MYH13: variants seen among roughly 807,000 people sequenced by gnomAD.
The protein encoded by MYH13 is myosin-13.
Under a neutral mutation model 232.1 loss-of-function variants are expected in MYH13, and 177 were observed. The ratio of observed to expected loss-of-function variants is 0.76; its 90% CI spans 0.67 to 0.86. The LOEUF is 0.86. Among genes scored for constraint, MYH13 ranks in the 40% least tolerant of loss-of-function variants. MYH13 has a pLI of 0.00. For synonymous variants in MYH13, 884 were observed against 923.5 expected (o/e 0.96, Z 0.78); for missense variants, 2,246 against 2,405.9 (o/e 0.93, Z 1.39).
chr17:10,343,679 A>G, intron 16 of MYH13, 121 bp downstream of exon 16: 2 of 1,167,170 alleles, frequency 1.7e-6, no homozygotes, highest in Non-Finnish European at 2.3e-6. Context: ...AATGGAGCTG[A>G]AAGAGAAACA....
At chr17:10,337,836 C>T (rs945526695) in intron 18 of MYH13, among the ~76,000 whole-genome samples, 18 of 152,262 alleles carry the variant, frequency 1.2e-4, no homozygotes, top group African/African-American at 4.1e-4. Flanking sequence ...GGGCATATCA[C>T]GAGGTCAGGA....
chr17:10,309,946 A>ATT (rs199973868), intron 33 of MYH13, 116 bp from the exon 34 acceptor site: 4,661 of 687,948 alleles, frequency 6.8e-3, no homozygotes, highest in Non-Finnish European at 7.3e-3. Context: ...TTAAATTTAA[A>ATT]TTTTTTTTTT....
chr17:10,332,058 TGTGGGGTTACTAGGG>T, intron 20 of MYH13, 26 bp downstream of exon 20: 3 of 1,611,352 alleles, frequency 1.9e-6, no homozygotes, highest in Non-Finnish European at 2.5e-6. Context: ...AGCCCAGGGC[TGTGGGGTTACTAGGG>T]GAGTCCCAGC....
chr17:10,334,754 C>G (rs951370985), intron 18 of MYH13, among the ~76,000 whole-genome samples: 8 of 152,122 alleles, frequency 5.3e-5, no homozygotes, highest in African/African-American at 1.9e-4. Flanking sequence ...TGGCAGGTGC[C>G]TGTAGTCTCA....
At chr17:10,321,262 C>T (rs1362794226) in intron 24 of MYH13, among the ~76,000 whole-genome samples, 1 of 152,208 alleles carries the variant, frequency 6.6e-6, no homozygotes, top group Non-Finnish European at 1.5e-5. Flanking sequence ...TTTTACTGAA[C>T]ACTTTCTGTG....
intron 39 of MYH13, among the ~76,000 whole-genome samples, chr17:10,302,679 T>C (rs9896736): frequency 0.22 from 34,194 of 152,024 alleles, 4,178 homozygotes; most frequent in East Asian, 0.46. Flanking sequence ...TTCCATTTCT[T>C]TCCTATTGAT....
At position 10,320,578 on chromosome 17, in the gene MYH13, C is replaced by T. The variant is rs947017667; in HGVS notation, c.3112-82G>A. On this transcript the variant is annotated intron_variant, in intron 24 of 40. Coordinates refer to ENST00000252172, the MANE Select transcript of MYH13 (RefSeq NM_003802.3). ...TTATCCAGTGTAGCCATACACGTGG[C>T]CTGGGGCTTCCTGGGGCTCCTGTAG... 3.8e-5 allele frequency: 53 copies of T among 1,400,432 alleles called. 1 individual carries two copies. Among genetic ancestry groups the T allele is most frequent in the Admixed American group, 3.3e-4 (14 of 42,878 alleles). The allele number at this position is 1,400,432 out of a possible 1,614,324, so 86.8% of individuals were successfully genotyped here.
At chr17:10,321,929 CATTAT>C (rs1906953716) in intron 23 of MYH13, among the ~76,000 whole-genome samples, 3 of 152,164 alleles carry the variant, frequency 2.0e-5, no homozygotes, top group Non-Finnish European at 4.4e-5. Context: ...TTAAGGAGGG[CATTAT>C]ATTTTACAAG....
Position 10,304,902 on chromosome 17 carries a change from C to T in MYH13, c.5467-1404G>A, listed in dbSNP as rs1906223913. 6.6e-6 allele frequency among the ~76,000 whole-genome samples: 1 copy of T among 152,158 alleles called. No individual in the cohort carries two copies. Among genetic ancestry groups the T allele is most frequent in the Non-Finnish European group, 1.5e-5 (1 of 68,032 alleles). ...AACTCCACAATCCAGAGATTGAAGC[C>T]AGGGAGGGGCAGCAGCCAGCTGCAT... On this transcript the variant is annotated intron_variant, in intron 37 of 40. Coordinates refer to ENST00000252172, the MANE Select transcript of MYH13 (RefSeq NM_003802.3). This position sits in a 1 kb window ranked among gnomAD's most constrained non-coding sequence, Gnocchi z 5.3.
intron 21 of MYH13, among the ~76,000 whole-genome samples, chr17:10,328,419 C>G (rs1261277522): frequency 6.6e-6 from 1 of 152,220 alleles, no homozygotes; most frequent in Non-Finnish European, 1.5e-5. Flanking sequence ...GCGTCCGTGA[C>G]CTCCTAATGC....
chr17:10,320,589 C>G, intron 24 of MYH13, 93 bp from the exon 25 acceptor site: 1 of 1,394,390 alleles, frequency 7.2e-7, no homozygotes, highest in Non-Finnish European at 9.6e-7. Flanking sequence ...CTGGGGCTTC[C>G]TGGGGCTCCT....
intron 33 of MYH13, among the ~76,000 whole-genome samples, chr17:10,310,094 GTT>G (rs61271828): frequency 6.1e-5 from 8 of 132,044 alleles, no homozygotes; most frequent in Non-Finnish European, 9.7e-5. Flanking sequence ...TAGGTTTTGT[GTT>G]TTTTTTTTTT....
chr17:10,317,912 G>A (rs922246667), intron 27 of MYH13: 2 of 152,166 alleles, frequency 1.3e-5, no homozygotes, highest in African/African-American at 4.8e-5. Context: ...CAACTTTCAT[G>A]CCTAATTTTT....
intron 7 of MYH13, among the ~76,000 whole-genome samples, chr17:10,358,474 G>A (rs140677632): frequency 1.3e-5 from 2 of 152,092 alleles, no homozygotes; most frequent in Non-Finnish European, 2.9e-5. Flanking sequence ...GAATATATGA[G>A]AAATGCCAGG....
chr17:10,359,820 T>G (rs2071777871), intron 7 of MYH13, 140 bp downstream of exon 7: 1 of 713,008 alleles, frequency 1.4e-6, no homozygotes, highest in Non-Finnish European at 2.4e-6. Context: ...ACGTTCTGTG[T>G]GAGGATACAG....
intron 3 of MYH13, 66 bp from the exon 4 acceptor site, chr17:10,362,569 G>GTGTGGTGGAAGTAGTGAGA: frequency 6.3e-7 from 1 of 1,595,638 alleles, no homozygotes; most frequent in South Asian, 1.1e-5. Context: ...CACTTTACTG[G>GTGTGGTGGAAGTAGTGAGA]TGTGGTGGAA....
chr17:10,314,210 A>G (rs1906622786), intron 29 of MYH13, among the ~76,000 whole-genome samples: 2 of 152,184 alleles, frequency 1.3e-5, no homozygotes, highest in Non-Finnish European at 2.9e-5. Flanking sequence ...ACCTGAGGCC[A>G]GGAGTTTGAG....
intron 16 of MYH13, among the ~76,000 whole-genome samples, chr17:10,342,325 T>C (rs913339723): frequency 1.3e-5 from 2 of 152,070 alleles, no homozygotes; most frequent in African/African-American, 2.4e-5. Context: ...TCCCAAAGTG[T>C]TGGGATTACA....
chr17:10,315,891 A>G lies in MYH13; in HGVS notation c.3865+8T>C. On this transcript the variant is annotated splice_region_variant and intron_variant, in intron 28 of 40. Transcript: ENST00000252172. ...CCCGGCTGGACCCAGAGCCCTGCCC[A>G]TTCTCACCATTTTGGGTCTGCAGTC... The G allele has an allele frequency of 6.2e-7, 1 of 1,613,866 alleles. No homozygotes were observed. Among genetic ancestry groups the G allele is most frequent in the Non-Finnish European group, 8.5e-7 (1 of 1,179,864 alleles).
Sources: allele counts gnomAD v4.1 joint callset (sites outside exome capture counted in the v4.1 genomes callset), GRCh38; gene constraint gnomAD v4.1.1; non-coding constraint Gnocchi (gnomAD v3.1); transcripts MANE v1.5; gene names NCBI Gene and HGNC (gene_info 2026-07-23, HGNC 2026-07-21).